The following DOK6 variants were observed in gnomAD, a reference collection of about 807,000 sequenced individuals.
DOK6 encodes docking protein 6, also known as downstream of tyrosine kinase 6.
A neutral mutation model predicts 44.0 loss-of-function variants in DOK6; 22 were observed. That is an observed-to-expected ratio of 0.50 (90% CI 0.36 to 0.71). The LOEUF (loss-of-function observed/expected upper bound fraction) is 0.71. DOK6 is among the 30% of genes least tolerant of loss of function. The pLI is 0.00. For missense variants in DOK6, 340 were observed against 416.4 expected (o/e 0.82, Z 1.60); for synonymous variants, 166 against 145.5 (o/e 1.14, Z -1.01).
intron 5 of DOK6, among the ~76,000 whole-genome samples, chr18:69,703,566 A>G (rs1480345908): frequency 6.6e-6 from 1 of 152,200 alleles, no homozygotes; most frequent in Non-Finnish European, 1.5e-5. Context: ...CCCCATTCTC[A>G]ATAGCTCAAT....
intron 7 of DOK6, among the ~76,000 whole-genome samples, chr18:69,769,548 T>C (rs770683313): frequency 4.6e-5 from 7 of 152,138 alleles, no homozygotes; most frequent in Non-Finnish European, 7.4e-5. Flanking sequence ...AAACTTCTGA[T>C]AGTATAATTT....
chr18:69,540,573 C>T (rs13381393), intron 1 of DOK6, among the ~76,000 whole-genome samples: 16,701 of 152,090 alleles, frequency 0.11, 1,855 homozygotes, highest in African/African-American at 0.28. Context: ...CTTCTAATGA[C>T]CCTTTGGTGG....
chr18:69,726,513 G>T (rs1978308378), intron 5 of DOK6, among the ~76,000 whole-genome samples: 1 of 152,088 alleles, frequency 6.6e-6, no homozygotes, highest in Admixed American at 6.5e-5. Context: ...CAGTGCCTAA[G>T]TATGCCTTGC....
intron 7 of DOK6, among the ~76,000 whole-genome samples, chr18:69,762,072 G>A (rs1979575054): frequency 6.6e-6 from 1 of 152,148 alleles, no homozygotes; most frequent in African/African-American, 2.4e-5. Context: ...GGCCAAGCCG[G>A]CAACTTGGCA....
intron 3 of DOK6, among the ~76,000 whole-genome samples, chr18:69,677,052 A>AT (rs918432093): frequency 3.3e-5 from 5 of 152,110 alleles, no homozygotes; most frequent in African/African-American, 9.7e-5. Flanking sequence ...TTCTACCCCA[A>AT]TTTTTTTAAA....
intron 3 of DOK6, among the ~76,000 whole-genome samples, chr18:69,672,493 G>C (rs1985822529): frequency 6.6e-6 from 1 of 152,186 alleles, no homozygotes; most frequent in Non-Finnish European, 1.5e-5. Flanking sequence ...CGAGTAGCTG[G>C]GATTACAGGC....
At chr18:69,827,352 C>A (rs1981770911) in intron 7 of DOK6, among the ~76,000 whole-genome samples, 1 of 152,064 alleles carries the variant, frequency 6.6e-6, no homozygotes, top group Non-Finnish European at 1.5e-5. Flanking sequence ...ACCATTTGGA[C>A]ATTGTAGCCT....
In DOK6 at chr18:69,519,575, A is replaced by G. The variant is rs141494494; in HGVS notation, c.67-44912A>G. Among the ~76,000 whole-genome samples, 1,135 of 152,096 alleles carry G rather than the reference A, an allele frequency of 7.5e-3. 8 individuals are homozygous for G. The highest frequency in any genetic ancestry group is 0.013 in the Non-Finnish European group (867 of 67,840). ...AATGTTAGGTGTATAAGGAAAATTA[A>G]AAGAGTTCCATAATTATTAGAAACA... On this transcript the variant is annotated intron_variant, in intron 1 of 7. Transcript: ENST00000382713.
intron 1 of DOK6, among the ~76,000 whole-genome samples, chr18:69,510,925 T>C (rs765724061): frequency 6.6e-6 from 1 of 152,154 alleles, no homozygotes; most frequent in Non-Finnish European, 1.5e-5. Context: ...GAGGAAATTA[T>C]AATGTTACCA....
At chr18:69,402,684 G>A (rs761464279) in intron 1 of DOK6, among the ~76,000 whole-genome samples, 3 of 152,180 alleles carry the variant, frequency 2.0e-5, no homozygotes, top group Non-Finnish European at 2.9e-5. Context: ...TAGTAGGCTG[G>A]GAGGCTGCAA....
chr18:69,683,819 T>C (rs1986093096), intron 4 of DOK6, among the ~76,000 whole-genome samples: 1 of 152,216 alleles, frequency 6.6e-6, no homozygotes, highest in South Asian at 2.1e-4. Flanking sequence ...AGTCACAATA[T>C]ACATTAGTAA....
At chr18:69,487,383 G>A (rs1488272147) in intron 1 of DOK6, among the ~76,000 whole-genome samples, 6 of 152,070 alleles carry the variant, frequency 3.9e-5, no homozygotes, top group Admixed American at 3.9e-4. Context: ...TAGATTTGAG[G>A]AGGTCACTAA....
chr18:69,726,960 TC>T (rs987361096), intron 5 of DOK6, among the ~76,000 whole-genome samples: 27 of 152,150 alleles, frequency 1.8e-4, no homozygotes, highest in African/African-American at 3.9e-4. Flanking sequence ...CCTCAAGCGA[TC>T]CTCCCACTTC....
intron 1 of DOK6, among the ~76,000 whole-genome samples, chr18:69,405,179 A>ACCT (rs1390518037): frequency 6.6e-6 from 1 of 151,894 alleles, no homozygotes; most frequent in Non-Finnish European, 1.5e-5. Context: ...ACCTTAAGAC[A>ACCT]CCTCCATTCC....
chr18:69,844,640 A>G lies in DOK6; in HGVS notation c.*3257A>G, dbSNP rs575198064. On this transcript the variant is annotated 3_prime_UTR_variant, in exon 8 of 8. Coordinates refer to ENST00000382713, the MANE Select transcript of DOK6 (RefSeq NM_152721.6). ...GAACAAACAATAAGCACTCAGAACT[A>G]ATTTATTTATGCAGGTTGCAAATAT... The G allele has an allele frequency of 6.6e-6, 1 of 152,262 alleles. No individual in the cohort carries two copies. Among genetic ancestry groups the G allele is most frequent in the South Asian group, 2.1e-4 (1 of 4,824 alleles). The allele number at this position is 152,262 out of a possible 1,614,324, so 9.4% of individuals were successfully genotyped here.
intron 6 of DOK6, among the ~76,000 whole-genome samples, chr18:69,742,922 G>A (rs1335329666): frequency 1.3e-5 from 2 of 152,204 alleles, no homozygotes; most frequent in African/African-American, 2.4e-5. Context: ...AGATTATTGG[G>A]ATAATCAACT....
intron 1 of DOK6, among the ~76,000 whole-genome samples, chr18:69,549,137 G>T (rs1276712179): frequency 6.6e-6 from 1 of 150,466 alleles, no homozygotes; most frequent in Non-Finnish European, 1.5e-5. Context: ...ACCTTAACGT[G>T]CCTTAAGTTA....
intron 5 of DOK6, among the ~76,000 whole-genome samples, chr18:69,738,036 T>C (rs577286508): frequency 2.3e-4 from 35 of 152,324 alleles, no homozygotes; most frequent in African/African-American, 7.9e-4. Flanking sequence ...TTTCACGCTG[T>C]GTGAATTTTA....
In DOK6 at chr18:69,592,343, A is replaced by G. The variant is rs376614221; in HGVS notation, c.175-7041A>G. Among the ~76,000 whole-genome samples the G allele has an allele frequency of 7.9e-5, 12 of 151,788 alleles. No homozygotes were observed. The South Asian group carries it at 2.5e-3, about 32-fold the overall frequency. On this transcript the variant is annotated intron_variant, in intron 2 of 7. Coordinates refer to ENST00000382713, the MANE Select transcript of DOK6 (RefSeq NM_152721.6). ...GATCTTTCTTCCTCTCTGCTCCCTT[A>G]ATTCTGATTTTTCCTTCTTTCATAG...
Sources: gnomAD v4.1 joint callset for allele counts (sites outside exome capture counted in the v4.1 genomes callset) on GRCh38, gnomAD v4.1.1 for gene constraint, MANE v1.5 for transcripts, NCBI Gene and HGNC (gene_info 2026-07-23, HGNC 2026-07-21) for gene names.